Variants in CERS3 observed in about 807,000 individuals in gnomAD.
CERS3 encodes LAG1 homolog, ceramide synthase 3.
CERS3 carries 33 observed loss-of-function variants against 50.3 expected under a neutral mutation model. The observed-to-expected ratio is 0.66, with a 90% CI of 0.50 to 0.88. The LOEUF (loss-of-function observed/expected upper bound fraction) is 0.88. Among genes scored for constraint, CERS3 ranks in the 40% least tolerant of loss-of-function variants. The probability of loss-of-function intolerance (pLI) is 0.00; values close to 1 mark genes in which losing one functional copy is unlikely to be tolerated. For missense variants in CERS3, 470 were observed against 460.3 expected, an observed-to-expected ratio of 1.02 and a Z score of -0.19; for synonymous variants, 176 against 155.2, an observed-to-expected ratio of 1.13 and a Z score of -0.99.
rs147489651 is a variant in CERS3 at position 100,431,945 on chromosome 15, G to C, written c.999+23948C>G. 4.5e-3 allele frequency among the ~76,000 whole-genome samples: 678 copies of C among 152,246 alleles called. 5 individuals are homozygous for C. The highest frequency in any genetic ancestry group is 0.015 in the African/African-American group (619 of 41,562). On this transcript the variant is annotated intron_variant, in intron 11 of 11. Transcript: ENST00000679737. ...GATCTTCTTTACGGTGTGAGTAGTA[G>C]ATCTTCTTGTGTGTTAGGCTTAAGT...
chr15:100,509,118 T>G (rs905641485), intron 2 of CERS3, among the ~76,000 whole-genome samples: 11 of 152,190 alleles, frequency 7.2e-5, no homozygotes, highest in Non-Finnish European at 1.2e-4. Flanking sequence ...GAAGACAATG[T>G]AGCTAATGTA....
intron 11 of CERS3, among the ~76,000 whole-genome samples, chr15:100,405,457 A>G (rs1452948075): frequency 6.6e-6 from 1 of 152,166 alleles, no homozygotes; most frequent in Non-Finnish European, 1.5e-5. Flanking sequence ...AAGCACTGAC[A>G]AGGACGCAAA....
chr15:100,504,479 G>T (rs972235454), intron 2 of CERS3, among the ~76,000 whole-genome samples: 4 of 152,070 alleles, frequency 2.6e-5, no homozygotes, highest in Non-Finnish European at 5.9e-5. Context: ...CCAACCTCAG[G>T]TGATCCGCCC....
At chr15:100,478,884 C>T (rs187900880) in intron 7 of CERS3, among the ~76,000 whole-genome samples, 5 of 151,894 alleles carry the variant, frequency 3.3e-5, no homozygotes, top group Admixed American at 6.6e-5. Context: ...GTAACTTGAC[C>T]GATTTACAGA....
In CERS3 at chr15:100,469,457, A is replaced by T; in HGVS notation, c.766T>A (p.Trp256Arg). Residue 256 changes from tryptophan to arginine, a missense_variant, in exon 10 of 12, where the codon TGG becomes AGG. By Grantham distance (101) the Trp-to-Arg change is moderately radical (BLOSUM62 -3). Transcript: ENST00000679737. ...ESAKMFSYAGWTQTCNTLFFI... is the reference protein window; with the variant it reads ...ESAKMFSYAGRTQTCNTLFFI... ...AACAGGGTGTTACAGGTCTGCGTCCATCCAGCATAAGAAAACATCTTAGCA... is the reference window on the plus strand; with the variant it reads ...AACAGGGTGTTACAGGTCTGCGTCCTTCCAGCATAAGAAAACATCTTAGCA... The T allele has an allele frequency of 6.2e-7, 1 of 1,613,984 alleles. No homozygotes were observed. Among genetic ancestry groups the T allele is most frequent in the Non-Finnish European group, 8.5e-7 (1 of 1,179,850 alleles).
chr15:100,497,888 CACACACACT>C (rs1184811441), intron 3 of CERS3, among the ~76,000 whole-genome samples: 11 of 67,070 alleles, frequency 1.6e-4, no homozygotes, highest in East Asian at 6.1e-4. Context: ...CACACACACA[CACACACACT>C]TTTTTTTTTT....
chr15:100,436,498 C>T (rs144403073), intron 11 of CERS3, among the ~76,000 whole-genome samples: 8 of 152,172 alleles, frequency 5.3e-5, no homozygotes, highest in Non-Finnish European at 8.8e-5. Flanking sequence ...GGAGGAAGAG[C>T]ATTAGGACAA....
intron 5 of CERS3, among the ~76,000 whole-genome samples, chr15:100,483,038 T>C (rs548583787): frequency 2.7e-4 from 41 of 152,388 alleles, no homozygotes; most frequent in African/African-American, 9.1e-4. Context: ...CCTGAATATA[T>C]TGCATAATTT....
intron 11 of CERS3, among the ~76,000 whole-genome samples, chr15:100,416,525 G>A (rs1401890047): frequency 6.6e-6 from 1 of 152,214 alleles, no homozygotes; most frequent in African/African-American, 2.4e-5. Flanking sequence ...AAGGAAAGAA[G>A]TTTAATTGAC....
Position 100,458,147 on chromosome 15 carries a change from C to G in CERS3, c.846-2101G>C, listed in dbSNP as rs551355548. On this transcript the variant is annotated intron_variant, in intron 10 of 11. Transcript: ENST00000679737. ...AAGAAGAGTTTCACTGAACTCAGAA[C>G]CAGTATGAAATAGTTTCAAAATTTG... is the stretch of plus-strand genomic sequence containing the variant. Among the ~76,000 whole-genome samples, 8 of 152,248 alleles carry G rather than the reference C, an allele frequency of 5.3e-5. No individual in the cohort carries two copies. In the South Asian group the frequency reaches 1.2e-3, roughly 24 times the overall value.
At chr15:100,512,768 G>C (rs960524228) in intron 2 of CERS3, among the ~76,000 whole-genome samples, 2 of 152,060 alleles carry the variant, frequency 1.3e-5, no homozygotes, top group African/African-American at 4.8e-5. Context: ...AGGGTATTCT[G>C]AGCAAGTCAA....
At chr15:100,525,615 G>C (rs1483423048) in intron 1 of CERS3, among the ~76,000 whole-genome samples, 1 of 152,194 alleles carries the variant, frequency 6.6e-6, no homozygotes, top group Non-Finnish European at 1.5e-5. Context: ...AATTGTGGCT[G>C]TTACAGTTTT....
At chr15:100,417,702 C>G (rs1178244467) in intron 11 of CERS3, among the ~76,000 whole-genome samples, 1 of 151,902 alleles carries the variant, frequency 6.6e-6, no homozygotes, top group African/African-American at 2.4e-5. Context: ...TTGAAGAGAG[C>G]AGTGGTTCTC....
chr15:100,517,813 G>A (rs2036534049), intron 2 of CERS3, among the ~76,000 whole-genome samples: 1 of 152,144 alleles, frequency 6.6e-6, no homozygotes, highest in African/African-American at 2.4e-5. Context: ...GTGGGTGTGA[G>A]CGTTTACAGG....
intron 11 of CERS3, among the ~76,000 whole-genome samples, chr15:100,445,007 G>A (rs1429121907): frequency 3.3e-5 from 5 of 151,972 alleles, no homozygotes; most frequent in African/African-American, 9.7e-5. Flanking sequence ...TTCAGGAAAG[G>A]TAGAACGGAC....
intron 11 of CERS3, among the ~76,000 whole-genome samples, chr15:100,423,496 T>A (rs1209452005): frequency 1.3e-5 from 2 of 152,104 alleles, no homozygotes; most frequent in Non-Finnish European, 2.9e-5. Flanking sequence ...GAGGCCATTA[T>A]CCCAAGTAAA....
intron 11 of CERS3, among the ~76,000 whole-genome samples, chr15:100,417,101 G>C (rs1404577969): frequency 1.3e-5 from 2 of 152,204 alleles, no homozygotes; most frequent in Non-Finnish European, 2.9e-5. Flanking sequence ...AATAGGAACA[G>C]CTCTGGTCTA....
intron 11 of CERS3, among the ~76,000 whole-genome samples, chr15:100,451,255 T>C (rs1445650346): frequency 6.6e-6 from 1 of 152,166 alleles, no homozygotes; most frequent in Non-Finnish European, 1.5e-5. Flanking sequence ...TAGAAATTAA[T>C]TAATAAAATG....
Position 100,473,037 on chromosome 15 carries a change from T to C in CERS3, c.625A>G (p.Ile209Val), listed in dbSNP as rs2035018666. ...DVKRKDFLAH[I>V]IHHLAAISLM... ...CTAATAGCAGCCAGGTGGTGGATGA[T>C]ATGAGCTAGAAAATCCTGTAAGATG... Residue 209 changes from isoleucine (I) to valine (V), a missense_variant, in exon 9 of 12, where the codon ATC becomes GTC. Transcript: ENST00000679737. 7.4e-6 allele frequency: 12 copies of C among 1,613,346 alleles called. No individual in the cohort carries two copies. The highest frequency in any genetic ancestry group is 1.7e-4 in the Middle Eastern group (1 of 6,056).
Sources: gnomAD v4.1 joint callset for allele counts (sites outside exome capture counted in the v4.1 genomes callset) on GRCh38, gnomAD v4.1.1 for gene constraint, MANE v1.5 for transcripts, NCBI Gene and HGNC (gene_info 2026-07-23, HGNC 2026-07-21) for gene names.